Variants in ABLIM1 observed in about 807,000 individuals in gnomAD.
The protein encoded by ABLIM1 is actin binding LIM protein 1.
Under a neutral mutation model 107.0 loss-of-function variants are expected in ABLIM1, and 40 were observed. The ratio of observed to expected loss-of-function variants is 0.37; its 90% CI spans 0.29 to 0.49. The LOEUF is 0.49. Among genes scored for constraint, ABLIM1 ranks in the 20% least tolerant of loss-of-function variants. The pLI is 0.97. For synonymous variants in ABLIM1, 357 were observed against 357.3 expected (o/e 1.00, Z 0.01); for missense variants, 857 against 1,008.5 (o/e 0.85, Z 2.04).
intron 1 of ABLIM1, among the ~76,000 whole-genome samples, chr10:114,757,577 A>C (rs1194774501): frequency 6.6e-6 from 1 of 152,164 alleles, no homozygotes; most frequent in African/African-American, 2.4e-5. Flanking sequence ...ACTCATCAGC[A>C]AGTTCTCTAA....
At chr10:114,450,885 C>T (rs1355842360) in intron 14 of ABLIM1, among the ~76,000 whole-genome samples, 1 of 151,958 alleles carries the variant, frequency 6.6e-6, no homozygotes, top group African/African-American at 2.4e-5. Context: ...GATTTATGGT[C>T]GATATATCTA....
chr10:114,484,007 G>A (rs979323272), intron 8 of ABLIM1, among the ~76,000 whole-genome samples: 2 of 152,166 alleles, frequency 1.3e-5, no homozygotes, highest in African/African-American at 4.8e-5. Context: ...GGATGCCCCG[G>A]GCAGGTGGTG....
intron 1 of ABLIM1, among the ~76,000 whole-genome samples, chr10:114,644,701 C>A (rs2078937113): frequency 6.6e-6 from 1 of 152,104 alleles, no homozygotes; most frequent in African/African-American, 2.4e-5. Context: ...ATGAACTGGG[C>A]CAATTAGATT....
chr10:114,609,615 C>T (rs969033082), intron 1 of ABLIM1, among the ~76,000 whole-genome samples: 7 of 152,160 alleles, frequency 4.6e-5, no homozygotes, highest in African/African-American at 1.7e-4. Context: ...TATCAAATAG[C>T]CTGAGTTGTC....
intron 8 of ABLIM1, among the ~76,000 whole-genome samples, chr10:114,475,271 T>C (rs1185245915): frequency 3.3e-5 from 5 of 152,172 alleles, no homozygotes; most frequent in African/African-American, 4.8e-5. Flanking sequence ...CCAATTTTAC[T>C]TGGATGATTC....
At chr10:114,443,921 C>T in intron 17 of ABLIM1, 108 bp downstream of exon 17, 2 of 855,200 alleles carry the variant, frequency 2.3e-6, no homozygotes, top group South Asian at 1.9e-5. Context: ...CACTTCCTTT[C>T]CCGTGGAATA....
upstream of ABLIM1, chr10:114,658,437 C>G: frequency 1.8e-6 from 1 of 569,376 alleles, no homozygotes. Context: ...CTTTCAGTCT[C>G]AGACATGAAT....
At chr10:114,690,781 A>C (rs2081060106) in intron 1 of ABLIM1, 1 of 270,150 alleles carries the variant, frequency 3.7e-6, no homozygotes, top group Non-Finnish European at 7.0e-6. Flanking sequence ...TCCCAGGTTC[A>C]AGTGATTCTC....
chr10:114,554,111 C>A (rs572363038), intron 4 of ABLIM1, among the ~76,000 whole-genome samples: 1 of 152,148 alleles, frequency 6.6e-6, no homozygotes, highest in Non-Finnish European at 1.5e-5. Flanking sequence ...AAAATGTATT[C>A]CCCATCCCAA....
chr10:114,541,356 A>T (rs1033839759), intron 6 of ABLIM1, among the ~76,000 whole-genome samples: 3 of 152,208 alleles, frequency 2.0e-5, no homozygotes, highest in Admixed American at 6.5e-5. Flanking sequence ...TTGTAAAGGG[A>T]TAAAATAAAT....
chr10:114,769,491 A>G (rs1183635906), upstream of ABLIM1, among the ~76,000 whole-genome samples: 226 of 147,094 alleles, frequency 1.5e-3, no homozygotes, highest in Middle Eastern at 0.023. Context: ...GAAAGAAAGA[A>G]AGGGAAGGAA....
intron 1 of ABLIM1, among the ~76,000 whole-genome samples, chr10:114,645,574 G>T (rs1336442549): frequency 6.6e-6 from 1 of 151,912 alleles, no homozygotes. Flanking sequence ...AAAGATAACA[G>T]AGACAGATTC....
intron 1 of ABLIM1, among the ~76,000 whole-genome samples, chr10:114,732,818 T>A (rs534111631): frequency 2.6e-5 from 4 of 152,360 alleles, no homozygotes; most frequent in Admixed American, 2.6e-4. Context: ...ATTACTTTAA[T>A]ACATGGAAAT....
chr10:114,570,557 A>G (rs2071489205), intron 4 of ABLIM1, among the ~76,000 whole-genome samples: 1 of 149,426 alleles, frequency 6.7e-6, no homozygotes, highest in South Asian at 2.1e-4. Context: ...TGTGTATGCA[A>G]AGGAATTTCT....
rs929755186 is a variant in ABLIM1 at position 114,591,622 on chromosome 10, C to CA, written c.379+10204dup. Among the ~76,000 whole-genome samples, 13 of 150,726 alleles carry CA rather than the reference C, an allele frequency of 8.6e-5. No homozygotes were observed. In the East Asian group the frequency reaches 1.6e-3, roughly 18 times the overall value. ...GAAAAAATGCTGCGTCTGGGAACCGCAAAAAAAAATTCTTCTTTCTCATAC... is the reference window on the plus strand; with the variant it reads ...GAAAAAATGCTGCGTCTGGGAACCGCAAAAAAAAAATTCTTCTTTCTCATAC... On this transcript the variant is annotated intron_variant, in intron 2 of 22. Coordinates refer to ENST00000533213, the MANE Select transcript of ABLIM1 (RefSeq NM_002313.7).
At chr10:114,613,858 A>T in intron 1 of ABLIM1, 1 of 335,054 alleles carries the variant, frequency 3.0e-6, no homozygotes, top group Non-Finnish European at 4.2e-6. Flanking sequence ...GCTGGGTGTA[A>T]CCTCTGCAAG....
At chr10:114,524,598 A>AC (rs1383930125) in intron 6 of ABLIM1, among the ~76,000 whole-genome samples, 3 of 152,306 alleles carry the variant, frequency 2.0e-5, no homozygotes, top group South Asian at 2.1e-4. Context: ...AACAACAACA[A>AC]AAAACTCTAT....
At chr10:114,593,028 C>CTAGAAAGTAGACAGGGAGAATAGG (rs140420642) in intron 2 of ABLIM1, among the ~76,000 whole-genome samples, 1 of 151,832 alleles carries the variant, frequency 6.6e-6, no homozygotes, top group Non-Finnish European at 1.5e-5. Context: ...GATGAGGTCA[C>CTAGAAAGTAGACAGGGAGAATAGG]TCTGAGTATG....
intron 12 of ABLIM1, among the ~76,000 whole-genome samples, chr10:114,460,202 T>C (rs2063576319): frequency 6.6e-6 from 1 of 152,190 alleles, no homozygotes; most frequent in African/African-American, 2.4e-5. Flanking sequence ...CATGTCCTAG[T>C]GGTGAGCCCC....
Sources: allele counts gnomAD v4.1 joint callset (sites outside exome capture counted in the v4.1 genomes callset), GRCh38; gene constraint gnomAD v4.1.1; transcripts MANE v1.5; gene names NCBI Gene and HGNC (gene_info 2026-07-23, HGNC 2026-07-21).